BRINP3: variants seen among roughly 807,000 people sequenced by gnomAD.
The protein encoded by BRINP3 is BMP/retinoic acid inducible neural specific 3.
BRINP3 carries 19 observed loss-of-function variants against 71.0 expected under a neutral mutation model. The ratio of observed to expected loss-of-function variants is 0.27; its 90% CI spans 0.19 to 0.39. The LOEUF (loss-of-function observed/expected upper bound fraction) is 0.39. Among genes scored for constraint, BRINP3 ranks in the 10% least tolerant of loss-of-function variants. The pLI, the probability that BRINP3 is intolerant of heterozygous loss-of-function variation, is 1.00. For synonymous variants in BRINP3, 380 were observed against 337.7 expected (o/e 1.13, Z -1.37); for missense variants, 959 against 940.8 (o/e 1.02, Z -0.25).
chr1:190,267,585 T>C (rs1340382335), intron 3 of BRINP3, among the ~76,000 whole-genome samples: 1 of 151,940 alleles, frequency 6.6e-6, no homozygotes, highest in Non-Finnish European at 1.5e-5. Context: ...TAAAAGCAGG[T>C]GTTCGTTGTT....
At chr1:190,278,928 T>C (rs987318281) in intron 3 of BRINP3, among the ~76,000 whole-genome samples, 3 of 151,238 alleles carry the variant, frequency 2.0e-5, no homozygotes, top group Non-Finnish European at 3.0e-5. Context: ...CATATCAACA[T>C]AGTAAAACAA....
intron 4 of BRINP3, among the ~76,000 whole-genome samples, chr1:190,245,964 T>C (rs1659566567): frequency 1.3e-5 from 2 of 152,000 alleles, no homozygotes; most frequent in South Asian, 4.1e-4. Context: ...TAGTATTTCA[T>C]GGTGTGTATG....
rs1664077328 is a variant in BRINP3 at position 190,294,191 on chromosome 1, A to T, written c.237-12441T>A. ...GTTTTACTTTTAGGGTATTTATTAT[A>T]GTTTTTGGCATTGTGGTTGTCATTA... On this transcript the variant is annotated intron_variant, in intron 2 of 7. Transcript: ENST00000367462. Among the ~76,000 whole-genome samples, 3 of 151,108 alleles carry T rather than the reference A, an allele frequency of 2.0e-5. No homozygotes were observed. In the South Asian group the frequency reaches 6.2e-4, roughly 31 times the overall value.
intron 6 of BRINP3, among the ~76,000 whole-genome samples, chr1:190,206,100 A>G (rs940240166): frequency 6.6e-6 from 1 of 152,056 alleles, no homozygotes; most frequent in Non-Finnish European, 1.5e-5. Context: ...TTTAAAAGAC[A>G]CTTGCCAGTA....
At chr1:190,193,217 G>A (rs115175472) in intron 6 of BRINP3, among the ~76,000 whole-genome samples, 67 of 152,136 alleles carry the variant, frequency 4.4e-4, no homozygotes, top group African/African-American at 1.4e-3. Context: ...AGGAAGAAAT[G>A]AGGAGGTGTT....
At chr1:190,215,790 A>G (rs1359122831) in intron 6 of BRINP3, among the ~76,000 whole-genome samples, 5 of 151,960 alleles carry the variant, frequency 3.3e-5, no homozygotes, top group Non-Finnish European at 7.4e-5. Flanking sequence ...TACATTTAAT[A>G]GGACACGATG....
At chr1:190,352,853 C>CTA (rs1204674935) in intron 2 of BRINP3, among the ~76,000 whole-genome samples, 4 of 151,280 alleles carry the variant, frequency 2.6e-5, no homozygotes, top group Non-Finnish European at 4.4e-5. Flanking sequence ...CTCTCTCTCT[C>CTA]TCTCTCTGTG....
intron 2 of BRINP3, among the ~76,000 whole-genome samples, chr1:190,441,412 A>G (rs1393612759): frequency 5.9e-5 from 9 of 152,074 alleles, no homozygotes; most frequent in Non-Finnish European, 1.2e-4. Flanking sequence ...TTTCAAAGCA[A>G]AATGTGCTAA....
At chr1:190,293,778 G>A (rs1165170535) in intron 2 of BRINP3, among the ~76,000 whole-genome samples, 2 of 152,042 alleles carry the variant, frequency 1.3e-5, no homozygotes, top group Admixed American at 6.6e-5. Flanking sequence ...AGTGAACTTC[G>A]CTCACGCTTT....
chr1:190,206,967 G>GT (rs1180751534), intron 6 of BRINP3, among the ~76,000 whole-genome samples: 1,882 of 144,556 alleles, frequency 0.013, 30 homozygotes, highest in African/African-American at 0.042. Flanking sequence ...TCATGTTTGG[G>GT]TTTTTTTTTT....
At chr1:190,430,954 AGT>A (rs1558280529) in intron 2 of BRINP3, among the ~76,000 whole-genome samples, 2 of 151,954 alleles carry the variant, frequency 1.3e-5, no homozygotes, top group Admixed American at 1.3e-4. Context: ...AATTGTATAA[AGT>A]GTTTTTTTTT....
At chr1:190,475,434 A>C (rs1677433194) in intron 1 of BRINP3, among the ~76,000 whole-genome samples, 2 of 152,038 alleles carry the variant, frequency 1.3e-5, no homozygotes, top group African/African-American at 4.8e-5. Flanking sequence ...GGCGCACCCC[A>C]CTCTATGGGG....
intron 2 of BRINP3, among the ~76,000 whole-genome samples, chr1:190,298,804 T>C (rs894391918): frequency 4.6e-5 from 7 of 152,138 alleles, no homozygotes; most frequent in Admixed American, 6.5e-5. Flanking sequence ...GTTCTATATA[T>C]ATATATTGAC....
At chr1:190,354,881 T>G (rs1668631578) in intron 2 of BRINP3, among the ~76,000 whole-genome samples, 1 of 151,804 alleles carries the variant, frequency 6.6e-6, no homozygotes, top group South Asian at 2.1e-4. Context: ...TATTTAAAAT[T>G]TGACAATTTT....
At chr1:190,285,864 A>C (rs983310755) in intron 2 of BRINP3, among the ~76,000 whole-genome samples, 1 of 152,104 alleles carries the variant, frequency 6.6e-6, no homozygotes, top group East Asian at 1.9e-4. Context: ...TAATGAGAAC[A>C]TTTTACCTAA....
intron 7 of BRINP3, among the ~76,000 whole-genome samples, chr1:190,124,039 T>A (rs913218622): frequency 2.0e-5 from 3 of 152,174 alleles, no homozygotes; most frequent in African/African-American, 7.2e-5. Context: ...GCATATGCCC[T>A]TATGCTATGA....
chr1:190,391,552 A>G (rs1311428629), intron 2 of BRINP3, among the ~76,000 whole-genome samples: 3 of 151,786 alleles, frequency 2.0e-5, no homozygotes, highest in African/African-American at 7.2e-5. Context: ...TTCCTATAGA[A>G]CAAGATTTTA....
Position 190,199,263 on chromosome 1 carries a change from G to T in BRINP3, c.961+26819C>A, listed in dbSNP as rs147789859. On this transcript the variant is annotated intron_variant, in intron 6 of 7. Coordinates refer to ENST00000367462, the MANE Select transcript of BRINP3 (RefSeq NM_199051.3). Reference sequence around the variant, plus strand: ...AGCTAAAATTTAAGATAAGATTTGCGTAAGGACAGAGCTAAACCATATGAA... The same window carrying T: ...AGCTAAAATTTAAGATAAGATTTGCTTAAGGACAGAGCTAAACCATATGAA... Among the ~76,000 whole-genome samples the T allele has an allele frequency of 3.3e-3, 506 of 152,240 alleles. 4 individuals carry two copies. The highest frequency in any genetic ancestry group is 0.012 in the African/African-American group (491 of 41,564).
intron 3 of BRINP3, among the ~76,000 whole-genome samples, chr1:190,266,430 C>G (rs116666791): frequency 0.015 from 2,344 of 151,968 alleles, 77 homozygotes; most frequent in African/African-American, 0.053. Context: ...TATTTGGACC[C>G]CAACATGCAT....
Sources: allele counts gnomAD v4.1 joint callset (sites outside exome capture counted in the v4.1 genomes callset), GRCh38; gene constraint gnomAD v4.1.1; transcripts MANE v1.5; gene names NCBI Gene and HGNC (gene_info 2026-07-23, HGNC 2026-07-21).